The following FOXO3 variants were observed in gnomAD, a reference collection of about 807,000 sequenced individuals.
FOXO3 encodes forkhead box protein O3.
In FOXO3, 4 loss-of-function variants were observed where a neutral mutation model predicts 41.9. That is an observed-to-expected ratio of 0.10 (90% confidence interval 0.05 to 0.22). The LOEUF (loss-of-function observed/expected upper bound fraction) is 0.22. Ranked by LOEUF, FOXO3 falls within the 10% of genes least tolerant of loss-of-function variation. The pLI, the probability that FOXO3 is intolerant of heterozygous loss-of-function variation, is 1.00. For missense variants in FOXO3, 534 were observed against 906.8 expected (o/e 0.59, Z 5.28); for synonymous variants, 318 against 389.3 (o/e 0.82, Z 2.16).
At chr6:108,575,594 C>T (rs1352449601) in intron 1 of FOXO3, among the ~76,000 whole-genome samples, 1 of 152,136 alleles carries the variant, frequency 6.6e-6, no homozygotes, top group Non-Finnish European at 1.5e-5. Flanking sequence ...TCTAGGGCTT[C>T]CCACCAACAT....
intron 1 of FOXO3, among the ~76,000 whole-genome samples, chr6:108,602,880 TC>T (rs1447771297): frequency 6.6e-6 from 1 of 152,136 alleles, no homozygotes; most frequent in African/African-American, 2.4e-5. Flanking sequence ...ATACTTTTCT[TC>T]CCTCTTTATG....
intron 1 of FOXO3, among the ~76,000 whole-genome samples, chr6:108,649,387 C>T (rs1441020286): frequency 6.6e-6 from 1 of 152,108 alleles, no homozygotes. Context: ...GAACAAAGAC[C>T]CGTCAGTACT....
chr6:108,629,410 A>G (rs1777898687), intron 1 of FOXO3, among the ~76,000 whole-genome samples: 1 of 152,168 alleles, frequency 6.6e-6, no homozygotes, highest in South Asian at 2.1e-4. Flanking sequence ...AAGTAAGGTA[A>G]GGAAAGACTA....
chr6:108,674,560 A>G (rs1281909915), intron 2 of FOXO3, among the ~76,000 whole-genome samples: 3 of 152,206 alleles, frequency 2.0e-5, no homozygotes, highest in African/African-American at 7.2e-5. Context: ...GCACATTATG[A>G]TTAGATACTA....
intron 1 of FOXO3, among the ~76,000 whole-genome samples, chr6:108,579,163 C>G (rs1206371553): frequency 1.3e-5 from 2 of 152,182 alleles, no homozygotes; most frequent in Non-Finnish European, 2.9e-5. Flanking sequence ...AGCAGGATGA[C>G]TTTGGATTAC....
At chr6:108,608,261 C>A (rs1247023670) in intron 1 of FOXO3, among the ~76,000 whole-genome samples, 1 of 152,116 alleles carries the variant, frequency 6.6e-6, no homozygotes, top group Non-Finnish European at 1.5e-5. Flanking sequence ...CTAGTTCAGC[C>A]CTTTGAAAAA....
At chr6:108,613,958 T>C (rs989045379) in intron 1 of FOXO3, among the ~76,000 whole-genome samples, 2 of 152,180 alleles carry the variant, frequency 1.3e-5, no homozygotes, top group Non-Finnish European at 2.9e-5. Flanking sequence ...TTACCTGTAA[T>C]TACTTTGGTC....
At position 108,668,975 on chromosome 6, in the gene FOXO3, G is replaced by A. The variant is rs991506080; in HGVS notation, c.*34+4086G>A. Reference sequence around the variant, plus strand: ...AAATACAAAAAAATTAGCCGGGCGTGGTGGCGGGCGCCTGTAGTCCCAGCT... The same window carrying A: ...AAATACAAAAAAATTAGCCGGGCGTAGTGGCGGGCGCCTGTAGTCCCAGCT... On this transcript the variant is annotated intron_variant, in intron 2 of 2. Coordinates refer to ENST00000406360, the MANE Select transcript of FOXO3 (RefSeq NM_001455.4). Among the ~76,000 whole-genome samples the A allele has an allele frequency of 7.2e-4, 109 of 152,256 alleles. 1 individual carries two copies. Among genetic ancestry groups the A allele is most frequent in the Non-Finnish European group, 5.3e-4 (36 of 68,032 alleles).
chr6:108,660,398 A>G (rs930774133), intron 1 of FOXO3, among the ~76,000 whole-genome samples: 3 of 152,236 alleles, frequency 2.0e-5, no homozygotes, highest in Non-Finnish European at 4.4e-5. Context: ...GCCTTATCAG[A>G]TACTCAGCAT....
intron 1 of FOXO3, among the ~76,000 whole-genome samples, chr6:108,639,920 C>G (rs1778213720): frequency 6.6e-6 from 1 of 152,278 alleles, no homozygotes; most frequent in South Asian, 2.1e-4. Context: ...GAACTCACTC[C>G]TTGGTCTTTG....
intron 1 of FOXO3, among the ~76,000 whole-genome samples, chr6:108,573,181 G>A (rs1776156340): frequency 1.3e-5 from 2 of 152,106 alleles, no homozygotes; most frequent in Non-Finnish European, 2.9e-5. Flanking sequence ...CAGCTACTCG[G>A]GAGGCTGAGG....
chr6:108,618,770 G>T (rs1777587152), intron 1 of FOXO3, among the ~76,000 whole-genome samples: 1 of 152,178 alleles, frequency 6.6e-6, no homozygotes, highest in Non-Finnish European at 1.5e-5. Context: ...TTTGAGAGAT[G>T]TGCAGATCAG....
intron 1 of FOXO3, among the ~76,000 whole-genome samples, chr6:108,571,498 T>A (rs554168958): frequency 1.3e-5 from 2 of 152,176 alleles, no homozygotes; most frequent in Admixed American, 1.3e-4. Context: ...TGAAGTCATA[T>A]CGGCTTAGGG....
chr6:108,563,137 G>T (rs1192351330), intron 1 of FOXO3, among the ~76,000 whole-genome samples: 2 of 152,188 alleles, frequency 1.3e-5, no homozygotes, highest in Non-Finnish European at 2.9e-5. Flanking sequence ...GAATTCAATG[G>T]AAGCACTGGA....
chr6:108,587,374 A>G (rs1334285028), intron 1 of FOXO3, among the ~76,000 whole-genome samples: 13 of 152,190 alleles, frequency 8.5e-5, no homozygotes, highest in Non-Finnish European at 1.0e-4. Context: ...ATCGGTCCCA[A>G]ATTGCTCAAG....
chr6:108,588,843 C>T (rs1375128595), intron 1 of FOXO3, among the ~76,000 whole-genome samples: 2 of 152,178 alleles, frequency 1.3e-5, no homozygotes, highest in African/African-American at 4.8e-5. Flanking sequence ...TTATTTTCTG[C>T]AACTAGACAA....
Position 108,663,447 on chromosome 6 carries a change from C to A in FOXO3, c.622-8C>A. ...GTTCATACTCTGTATTTTCTTTTCT[C>A]CCTGCAGAACTCCATCCGGCACAAC... On this transcript the variant is annotated splice_polypyrimidine_tract_variant and splice_region_variant and intron_variant, in intron 1 of 2. Transcript: ENST00000406360. 6.3e-7 allele frequency: 1 copy of A among 1,594,220 alleles called. No homozygotes were observed. The highest frequency in any genetic ancestry group is 1.1e-5 in the South Asian group (1 of 88,256).
intron 2 of FOXO3, among the ~76,000 whole-genome samples, chr6:108,677,508 C>G (rs1454005964): frequency 6.6e-6 from 1 of 152,148 alleles, no homozygotes; most frequent in African/African-American, 2.4e-5. Context: ...TGTCACCTTC[C>G]CATTATGCAC....
chr6:108,564,528 A>G (rs1389770348), intron 1 of FOXO3, among the ~76,000 whole-genome samples: 7 of 152,252 alleles, frequency 4.6e-5, no homozygotes, highest in Non-Finnish European at 8.8e-5. Flanking sequence ...ATGTGTGCAT[A>G]AAGGGCACGG....
Sources: gnomAD v4.1 joint callset for allele counts (sites outside exome capture counted in the v4.1 genomes callset) on GRCh38, gnomAD v4.1.1 for gene constraint, MANE v1.5 for transcripts, NCBI Gene and HGNC (gene_info 2026-07-23, HGNC 2026-07-21) for gene names.